Variants in DUSP4 observed in about 807,000 individuals in gnomAD.
The protein encoded by DUSP4 is dual specificity protein phosphatase 4.
A neutral mutation model predicts 27.2 loss-of-function variants in DUSP4; 12 were observed. The ratio of observed to expected loss-of-function variants is 0.44; its 90% CI spans 0.28 to 0.71. DUSP4 has a LOEUF of 0.71. Ranked by LOEUF, DUSP4 falls within the 30% of genes least tolerant of loss-of-function variation. The pLI is 0.14. For synonymous variants in DUSP4, 257 were observed against 245.2 expected (o/e 1.05, Z -0.45); for missense variants, 448 against 551.3 (o/e 0.81, Z 1.88).
chr8:29,343,174 A>AG (rs1010307018), intron 1 of DUSP4, among the ~76,000 whole-genome samples: 4 of 151,546 alleles, frequency 2.6e-5, no homozygotes, highest in African/African-American at 9.7e-5. Flanking sequence ...TCTCAAAAAA[A>AG]AAAAAAAAAA....
intron 2 of DUSP4, among the ~76,000 whole-genome samples, chr8:29,339,017 C>T (rs1230612147): frequency 6.6e-6 from 1 of 152,136 alleles, no homozygotes; most frequent in Non-Finnish European, 1.5e-5. Context: ...CACAGTGAGA[C>T]CTCATCTCTC....
chr8:29,335,186 A>G lies in DUSP4; in HGVS notation c.*1840T>C, dbSNP rs530639338. On this transcript the variant is annotated 3_prime_UTR_variant, in exon 4 of 4. Coordinates refer to ENST00000240100, the MANE Select transcript of DUSP4 (RefSeq NM_001394.7). Reference sequence around the variant, plus strand: ...TCCACAATACTACAAACAAAATAGCATGTAGCTTGTTCCCTCCTCCCTCCC... The same window carrying G: ...TCCACAATACTACAAACAAAATAGCGTGTAGCTTGTTCCCTCCTCCCTCCC... The G allele has an allele frequency of 3.9e-5, 6 of 152,198 alleles. No homozygotes were observed. The East Asian group carries it at 5.8e-4, about 15-fold the overall frequency. 9.4% of individuals were successfully genotyped at this position (152,198 alleles called of 1,614,324 possible).
Position 29,337,132 on chromosome 8 carries a change from G to T in DUSP4, c.1079C>A (p.Pro360His). 3 of 1,610,906 alleles carry T rather than the reference G, an allele frequency of 1.9e-6. No homozygotes were observed. Among genetic ancestry groups the T allele is most frequent in the Non-Finnish European group, 2.5e-6 (3 of 1,178,714 alleles). The change falls in exon 4 of 4, where the codon CCC becomes CAC. Residue 360 changes from proline (P) to histidine (H), a missense_variant. Pro to His is a moderately conservative substitution (Grantham distance 77). Around this residue, in one of 3 missense-constraint regions of DUSP4, gnomAD observed 100 missense variants for 139.8 expected, o/e 0.72. Transcript: ENST00000240100. The surrounding 1 kb of genome is among the most constrained non-coding windows in gnomAD (Gnocchi z 6.4). ...AAAGCTGAAGACGAACTGCGAGGTG[G>T]GGGTGGCGGGGGTCTTGCCCCGCTC... ...LRERGKTPAT[P>H]TSQFVFSFPV...
intron 1 of DUSP4, among the ~76,000 whole-genome samples, chr8:29,344,805 C>A (rs1817704086): frequency 6.6e-6 from 1 of 151,174 alleles, no homozygotes; most frequent in Non-Finnish European, 1.5e-5. Context: ...GAAGACTGTC[C>A]TTTGGTGGTG....
chr8:29,347,951 A>G, intron 1 of DUSP4: 4 of 985,526 alleles, frequency 4.1e-6, no homozygotes, highest in Non-Finnish European at 4.8e-6. Flanking sequence ...ATCTTAAAAA[A>G]TAATCCCTCT....
In DUSP4 at chr8:29,340,125, G is replaced by A. The variant is rs1255180803; in HGVS notation, c.552C>T (p.Ser184=). Reference sequence around the variant, plus strand: ...GGTCGTGTAGTGGGGTCCCACAGGAGCTGCAGCCCAGGTCCAAGGGCTCTG... The same window carrying A: ...GGTCGTGTAGTGGGGTCCCACAGGAACTGCAGCCCAGGTCCAAGGGCTCTG... ...SATEPLDLGC[S]SCGTPLHDQG... Residue 184 remains serine (S), a synonymous_variant, in exon 2 of 4, where the codon AGC becomes AGT. Coordinates refer to ENST00000240100, the MANE Select transcript of DUSP4 (RefSeq NM_001394.7). 1 of 1,590,994 alleles carries A rather than the reference G, an allele frequency of 6.3e-7. No individual in the cohort carries two copies. The highest frequency in any genetic ancestry group is 2.3e-5 in the East Asian group (1 of 44,246).
At chr8:29,349,345 T>C (rs1332174322) in intron 1 of DUSP4, among the ~76,000 whole-genome samples, 1 of 152,234 alleles carries the variant, frequency 6.6e-6, no homozygotes, top group Admixed American at 6.5e-5. Flanking sequence ...CCTTTCTGCA[T>C]TTGCCAGGGT....
At chr8:29,346,158 C>A (rs77217588) in intron 1 of DUSP4, 39,170 of 822,494 alleles carry the variant, frequency 0.048, 1,011 homozygotes, top group Non-Finnish European at 0.052. Context: ...TCATCAGTGG[C>A]CTTAGTGACT....
In DUSP4 at chr8:29,337,893, G is replaced by C. The variant is rs1376579752; in HGVS notation, c.799+389C>G. ...TTGCACCCCAGAAGCGGAGGTTGCA[G>C]TGAGCTGAGATGGCGCCACTGCACT... On this transcript the variant is annotated intron_variant, in intron 3 of 3. Coordinates refer to ENST00000240100, the MANE Select transcript of DUSP4 (RefSeq NM_001394.7). The surrounding 1 kb of genome is among the most constrained non-coding windows in gnomAD (Gnocchi z 6.4). Among the ~76,000 whole-genome samples, 7 of 152,212 alleles carry C rather than the reference G, an allele frequency of 4.6e-5. No individual in the cohort carries two copies. Among genetic ancestry groups the C allele is most frequent in the Non-Finnish European group, 7.3e-5 (5 of 68,038 alleles).
At position 29,350,372 on chromosome 8, in the gene DUSP4, G is replaced by A. The variant is rs561388005; in HGVS notation, c.-94C>T. ...AAAGGGGCGGGCGAGAGCTAAGAAG[G>A]GACGCCTGCAGAAGTGGCCGCAAAC... On this transcript the variant is annotated 5_prime_UTR_variant, in exon 1 of 4. Transcript: ENST00000240100. 10 of 1,425,152 alleles carry A rather than the reference G, an allele frequency of 7.0e-6. No homozygotes were observed. The East Asian group carries it at 1.9e-4, about 28-fold the overall frequency. The allele number at this position is 1,425,152 out of a possible 1,614,324, so 88.3% of individuals were successfully genotyped here. A position where few individuals can be genotyped will look rare whatever the true frequency, so the allele number is the denominator to read the frequency against.
intron 1 of DUSP4, chr8:29,348,900 G>T: frequency 2.0e-6 from 1 of 510,574 alleles, no homozygotes; most frequent in Non-Finnish European, 2.5e-6. Context: ...GGGGCGCCCG[G>T]ACCCCACGCG....
chr8:29,340,383 G>A, intron 1 of DUSP4, 140 bp from the exon 2 acceptor site: 1 of 1,091,450 alleles, frequency 9.2e-7, no homozygotes, highest in Non-Finnish European at 1.3e-6. Flanking sequence ...AGGTGGCGCT[G>A]TGGACCTAGA....
intron 1 of DUSP4, among the ~76,000 whole-genome samples, chr8:29,343,368 T>C (rs1817683411): frequency 6.6e-6 from 1 of 151,980 alleles, no homozygotes; most frequent in Admixed American, 6.5e-5. Context: ...GAGAACGATA[T>C]GTTCTGGGCT....
chr8:29,348,646 C>G (rs1817773717), intron 1 of DUSP4: 2 of 985,314 alleles, frequency 2.0e-6, no homozygotes, highest in South Asian at 9.4e-5. Context: ...TTTTGTTGTG[C>G]TTTTTGGAGG....
intron 1 of DUSP4, 107 bp downstream of exon 1, chr8:29,349,739 G>T: frequency 7.7e-7 from 1 of 1,296,006 alleles, no homozygotes; most frequent in Admixed American, 3.3e-5. Context: ...GGGGATCCCC[G>T]CAACCACGAA....
chr8:29,341,442 G>A lies in DUSP4; in HGVS notation c.434-1199C>T, dbSNP rs118037404. ...TGCTTCCTACTGAGAGGAAGGAAAC[G>A]GTTCTCTACCACATCATGAGGCTTA... On this transcript the variant is annotated intron_variant, in intron 1 of 3. Transcript: ENST00000240100. Among the ~76,000 whole-genome samples, 97 of 152,278 alleles carry A rather than the reference G, an allele frequency of 6.4e-4. 1 individual carries two copies. The East Asian group carries it at 0.017, about 26-fold the overall frequency.
rs1345162755 is a variant in DUSP4 at position 29,335,084 on chromosome 8, G to A, written c.*1942C>T. The A allele has an allele frequency of 6.6e-6, 1 of 151,986 alleles. No homozygotes were observed. The highest frequency in any genetic ancestry group is 1.5e-5 in the Non-Finnish European group (1 of 67,980). 9.4% of individuals were successfully genotyped at this position (151,986 alleles called of 1,614,324 possible). On this transcript the variant is annotated 3_prime_UTR_variant, in exon 4 of 4. Coordinates refer to ENST00000240100, the MANE Select transcript of DUSP4 (RefSeq NM_001394.7). ...TGTTCATTAGATGTAGACTCTCAAAGGGCTAAAAAAAACCATGCTCTCACT... is the reference window on the plus strand; with the variant it reads ...TGTTCATTAGATGTAGACTCTCAAAAGGCTAAAAAAAACCATGCTCTCACT...
intron 1 of DUSP4, chr8:29,348,170 A>T (rs1817762619): frequency 1.0e-6 from 1 of 985,454 alleles, no homozygotes. Context: ...CCAGCGAAGG[A>T]AGGCGCGCCC....
intron 1 of DUSP4, among the ~76,000 whole-genome samples, chr8:29,346,427 T>A (rs1431665137): frequency 6.6e-6 from 1 of 152,220 alleles, no homozygotes; most frequent in Non-Finnish European, 1.5e-5. Context: ...TTGGGGTTAA[T>A]AAAGGCAAAG....
Sources: allele counts gnomAD v4.1 joint callset (sites outside exome capture counted in the v4.1 genomes callset), GRCh38; gene constraint gnomAD v4.1.1; regional missense constraint gnomAD v4.1.1; non-coding constraint Gnocchi (gnomAD v3.1); transcripts MANE v1.5; gene names NCBI Gene and HGNC (gene_info 2026-07-23, HGNC 2026-07-21).